DLG2: variants seen among roughly 807,000 people sequenced by gnomAD.
DLG2 encodes the protein discs large MAGUK scaffold protein 2.
In DLG2, 45 loss-of-function variants were observed where a neutral mutation model predicts 132.5. The observed-to-expected ratio is 0.34, with a 90% CI of 0.27 to 0.44. The LOEUF (loss-of-function observed/expected upper bound fraction) is 0.44, where lower values mean the gene tolerates loss of function less well. Among genes scored for constraint, DLG2 ranks in the 20% least tolerant of loss-of-function variants. DLG2 has a pLI of 1.00. For missense variants in DLG2, 1,045 were observed against 1,196.9 expected (o/e 0.87, Z 1.87); for synonymous variants, 424 against 419.6 (o/e 1.01, Z -0.13).
chr11:84,386,281 T>A (rs1012402744), intron 7 of DLG2, among the ~76,000 whole-genome samples: 2 of 152,080 alleles, frequency 1.3e-5, no homozygotes, highest in Non-Finnish European at 2.9e-5. Flanking sequence ...ATCTATTGAT[T>A]TCTATACATG....
intron 3 of DLG2, among the ~76,000 whole-genome samples, chr11:85,323,494 T>C (rs2081225435): frequency 6.6e-6 from 1 of 152,246 alleles, no homozygotes; most frequent in South Asian, 2.1e-4. Flanking sequence ...GTCATTTCTT[T>C]GTGTTGGGAA....
At chr11:85,566,911 C>T (rs1176645541) in intron 3 of DLG2, among the ~76,000 whole-genome samples, 1 of 152,078 alleles carries the variant, frequency 6.6e-6, no homozygotes, top group Non-Finnish European at 1.5e-5. Context: ...GTCCTGGTAG[C>T]ATTTGTTGAA....
At chr11:84,000,229 G>T (rs2154041263) in intron 11 of DLG2, among the ~76,000 whole-genome samples, 1 of 152,046 alleles carries the variant, frequency 6.6e-6, no homozygotes, top group East Asian at 1.9e-4. Flanking sequence ...GAATATATCA[G>T]AAAATACATT....
intron 18 of DLG2, among the ~76,000 whole-genome samples, chr11:83,705,940 C>T (rs1037314482): frequency 2.0e-5 from 3 of 152,220 alleles, no homozygotes; most frequent in Non-Finnish European, 4.4e-5. Context: ...AAAACTAGGC[C>T]GGGCGTGGTG....
chr11:84,173,811 G>T (rs1383639443), intron 8 of DLG2, among the ~76,000 whole-genome samples: 1 of 151,972 alleles, frequency 6.6e-6, no homozygotes, highest in Non-Finnish European at 1.5e-5. Flanking sequence ...CTTTCATACA[G>T]TATTTGGCAC....
chr11:84,238,702 G>A (rs2097190346), intron 8 of DLG2, among the ~76,000 whole-genome samples: 1 of 151,536 alleles, frequency 6.6e-6, no homozygotes, highest in South Asian at 2.1e-4. Flanking sequence ...TAAAATTGAG[G>A]AAAGTAACAT....
chr11:84,606,155 T>C (rs1252505893), intron 6 of DLG2, among the ~76,000 whole-genome samples: 1 of 152,128 alleles, frequency 6.6e-6, no homozygotes, highest in Admixed American at 6.6e-5. Flanking sequence ...TAATTCTATG[T>C]ATTCCACACC....
At chr11:85,234,985 T>A (rs1196500228) in intron 4 of DLG2, among the ~76,000 whole-genome samples, 1 of 151,954 alleles carries the variant, frequency 6.6e-6, no homozygotes, top group African/African-American at 2.4e-5. Flanking sequence ...CTCTATATAA[T>A]CATTCAGTTT....
chr11:85,331,357 A>G (rs150689549), intron 3 of DLG2, among the ~76,000 whole-genome samples: 23 of 152,328 alleles, frequency 1.5e-4, no homozygotes, highest in African/African-American at 4.8e-4. Flanking sequence ...ACTTTTAAAG[A>G]TGCTAGCGGT....
At chr11:84,234,887 GAAA>G (rs1220936117) in intron 8 of DLG2, among the ~76,000 whole-genome samples, 1 of 152,212 alleles carries the variant, frequency 6.6e-6, no homozygotes, top group African/African-American at 2.4e-5. Flanking sequence ...ACATTCTGTA[GAAA>G]ATCCCCTCCC....
At chr11:85,105,813 C>T (rs1391152998) in intron 6 of DLG2, among the ~76,000 whole-genome samples, 1 of 151,796 alleles carries the variant, frequency 6.6e-6, no homozygotes, top group African/African-American at 2.4e-5. Context: ...CAGAATTAGT[C>T]CAGAGGGTGC....
intron 6 of DLG2, among the ~76,000 whole-genome samples, chr11:84,843,346 C>T (rs1259724600): frequency 1.3e-5 from 2 of 150,526 alleles, no homozygotes; most frequent in Non-Finnish European, 1.5e-5. Context: ...AATTCTTATT[C>T]CACCACTTAC....
intron 19 of DLG2, among the ~76,000 whole-genome samples, chr11:83,616,233 T>G (rs912610227): frequency 2.0e-4 from 31 of 152,220 alleles, no homozygotes; most frequent in African/African-American, 7.2e-4. Flanking sequence ...GTTGAACACA[T>G]GTACTCATTA....
intron 19 of DLG2, among the ~76,000 whole-genome samples, chr11:83,593,272 A>C (rs1253495546): frequency 1.9e-4 from 29 of 148,830 alleles, no homozygotes; most frequent in Admixed American, 1.8e-3. Context: ...AGACTGGATT[A>C]AGAAAATGTG....
intron 6 of DLG2, among the ~76,000 whole-genome samples, chr11:85,008,468 T>C (rs2058885867): frequency 6.6e-6 from 1 of 152,106 alleles, no homozygotes; most frequent in Admixed American, 6.5e-5. Context: ...ATATTTCTTT[T>C]AGGGAGAAGT....
At chr11:85,501,621 C>T (rs2093806224) in intron 3 of DLG2, among the ~76,000 whole-genome samples, 1 of 152,282 alleles carries the variant, frequency 6.6e-6, no homozygotes, top group African/African-American at 2.4e-5. Flanking sequence ...TATGAACAAA[C>T]ACTTCTCAAA....
chr11:83,881,315 T>C (rs2066208331), intron 15 of DLG2, among the ~76,000 whole-genome samples: 1 of 152,182 alleles, frequency 6.6e-6, no homozygotes. Flanking sequence ...ATCAAATCTA[T>C]CATGTACTTA....
intron 6 of DLG2, among the ~76,000 whole-genome samples, chr11:84,684,357 A>G (rs1413801701): frequency 6.6e-6 from 1 of 151,998 alleles, no homozygotes; most frequent in Admixed American, 6.5e-5. Flanking sequence ...CCATGTCTTG[A>G]CTTCCTTTAT....
intron 7 of DLG2, among the ~76,000 whole-genome samples, chr11:84,457,914 A>AT (rs962701395): frequency 2.0e-5 from 3 of 150,794 alleles, no homozygotes; most frequent in Non-Finnish European, 4.5e-5. Context: ...TATTTGTCTT[A>AT]TTTTTTCTAA....
Sources: allele counts gnomAD v4.1 joint callset (sites outside exome capture counted in the v4.1 genomes callset), GRCh38; gene constraint gnomAD v4.1.1; transcripts MANE v1.5; gene names NCBI Gene and HGNC (gene_info 2026-07-23, HGNC 2026-07-21).